TMEM132D: variants seen among roughly 807,000 people sequenced by gnomAD.
TMEM132D encodes the protein mature OL transmembrane protein.
Under a neutral mutation model 62.3 loss-of-function variants are expected in TMEM132D, and 21 were observed. The observed-to-expected ratio is 0.34, with a 90% CI of 0.24 to 0.49. The LOEUF is 0.49. TMEM132D is among the 20% of genes least tolerant of loss of function. TMEM132D has a pLI of 0.99. For synonymous variants in TMEM132D, 621 were observed against 575.6 expected (o/e 1.08, Z -1.13); for missense variants, 1,346 against 1,402.8 (o/e 0.96, Z 0.65).
At position 129,686,244 on chromosome 12, in the gene TMEM132D, G is replaced by A. The variant is rs950236835; in HGVS notation, c.968+13566C>T. ...CACCCAAATCTGATCTTGAATTGTA[G>A]TTCCCATGATCCCCACGTGTTGTGA... On this transcript the variant is annotated intron_variant, in intron 2 of 8. Coordinates refer to ENST00000422113, the MANE Select transcript of TMEM132D (RefSeq NM_133448.3). Among the ~76,000 whole-genome samples, 6 of 152,256 alleles carry A rather than the reference G, an allele frequency of 3.9e-5. 1 individual carries two copies. In the East Asian group the frequency reaches 1.2e-3, roughly 29 times the overall value.
intron 4 of TMEM132D, among the ~76,000 whole-genome samples, chr12:129,281,978 C>A (rs976846213): frequency 6.6e-6 from 1 of 152,158 alleles, no homozygotes; most frequent in African/African-American, 2.4e-5. Context: ...CTCCGTGAAC[C>A]CGCTCCATTG....
At chr12:129,613,531 G>A (rs1252024889) in intron 2 of TMEM132D, among the ~76,000 whole-genome samples, 2 of 152,160 alleles carry the variant, frequency 1.3e-5, no homozygotes, top group South Asian at 2.1e-4. Context: ...TGTTCACATC[G>A]CTGCTTGACA....
Position 129,449,397 on chromosome 12 carries a change from C to T in TMEM132D, c.1115+81662G>A, listed in dbSNP as rs148288614. Among the ~76,000 whole-genome samples the T allele has an allele frequency of 3.7e-3, 566 of 152,270 alleles. 2 individuals are homozygous for T. The highest frequency in any genetic ancestry group is 0.013 in the African/African-American group (543 of 41,534). On this transcript the variant is annotated intron_variant, in intron 3 of 8. Transcript: ENST00000422113. ...ACCAACCAGCTCAGCTTCTAATCAC[C>T]GTGCAGAGTTAGGTAAGGCTGTAGT...
chr12:129,100,434 C>A (rs1189751167), intron 5 of TMEM132D, among the ~76,000 whole-genome samples: 1 of 152,178 alleles, frequency 6.6e-6, no homozygotes, highest in East Asian at 1.9e-4. Context: ...TGGCTCCAGG[C>A]CATGCCTCAT....
intron 4 of TMEM132D, among the ~76,000 whole-genome samples, chr12:129,330,432 T>C (rs1409697267): frequency 6.6e-6 from 1 of 152,132 alleles, no homozygotes; most frequent in Non-Finnish European, 1.5e-5. Context: ...ACTGTGGCAA[T>C]ACTGAGAGGT....
rs938286894 is a variant in TMEM132D at position 129,371,755 on chromosome 12, A to G, written c.1116-33938T>C. ...TTAGAACTGGAAAACATGGAAGTCT[A>G]TACATAGCTTTACGTATCTGCTGAA... On this transcript the variant is annotated intron_variant, in intron 3 of 8. Transcript: ENST00000422113. The surrounding 1 kb of genome is among the most constrained non-coding windows in gnomAD (Gnocchi z 4.3). Among the ~76,000 whole-genome samples the G allele has an allele frequency of 1.3e-5, 2 of 152,162 alleles. No homozygotes were observed. The highest frequency in any genetic ancestry group is 4.8e-5 in the African/African-American group (2 of 41,432).
intron 5 of TMEM132D, among the ~76,000 whole-genome samples, chr12:129,158,441 A>G (rs1008070575): frequency 2.0e-5 from 3 of 152,226 alleles, no homozygotes; most frequent in Non-Finnish European, 4.4e-5. Context: ...TATCTGTGTG[A>G]TACCAAGTTG....
At chr12:129,669,768 C>T (rs1044672847) in intron 2 of TMEM132D, among the ~76,000 whole-genome samples, 1 of 151,964 alleles carries the variant, frequency 6.6e-6, no homozygotes, top group African/African-American at 2.4e-5. Context: ...GATCTGTACT[C>T]CTCATCCTAG....
chr12:129,874,875 T>C, intron 1 of TMEM132D, among the ~76,000 whole-genome samples: 1 of 152,096 alleles, frequency 6.6e-6, no homozygotes. Context: ...TAATTTTGTA[T>C]TTTTAGTAGA....
At chr12:129,165,625 A>G (rs530426696) in intron 5 of TMEM132D, among the ~76,000 whole-genome samples, 65 of 152,172 alleles carry the variant, frequency 4.3e-4, no homozygotes, top group African/African-American at 1.5e-3. Context: ...CTGGAAATTG[A>G]CCAGTATTAA....
At chr12:129,218,711 T>C (rs1471522881) in intron 4 of TMEM132D, among the ~76,000 whole-genome samples, 1 of 152,214 alleles carries the variant, frequency 6.6e-6, no homozygotes, top group African/African-American at 2.4e-5. Flanking sequence ...GTCATTGAGA[T>C]GCAAACTTTT....
intron 5 of TMEM132D, among the ~76,000 whole-genome samples, chr12:129,162,455 A>G (rs539374818): frequency 1.3e-4 from 20 of 152,296 alleles, no homozygotes; most frequent in Non-Finnish European, 2.8e-4. Flanking sequence ...TACAGTGAAC[A>G]TGGAAAGTAA....
At chr12:129,467,682 A>G (rs564515075) in intron 3 of TMEM132D, among the ~76,000 whole-genome samples, 8 of 152,262 alleles carry the variant, frequency 5.3e-5, no homozygotes, top group African/African-American at 1.9e-4. Flanking sequence ...AACCAGAAAG[A>G]ATTTAGGCAT....
At chr12:129,819,230 C>CCA (rs1565997075) in intron 1 of TMEM132D, among the ~76,000 whole-genome samples, 7 of 151,924 alleles carry the variant, frequency 4.6e-5, no homozygotes, top group Non-Finnish European at 5.9e-5. Context: ...TCTACCTACC[C>CCA]CACAGTGCCA....
intron 1 of TMEM132D, among the ~76,000 whole-genome samples, chr12:129,869,397 T>C (rs1360675513): frequency 6.6e-6 from 1 of 152,196 alleles, no homozygotes; most frequent in Non-Finnish European, 1.5e-5. Flanking sequence ...TGATATCAAA[T>C]GAAATAGTAT....
chr12:129,142,186 G>A (rs1165904398), intron 5 of TMEM132D, among the ~76,000 whole-genome samples: 5 of 151,912 alleles, frequency 3.3e-5, no homozygotes, highest in South Asian at 2.1e-4. Context: ...AGAAAATCCC[G>A]TCCAACTGGT....
At chr12:129,191,274 C>T (rs1878393669) in intron 5 of TMEM132D, among the ~76,000 whole-genome samples, 1 of 139,242 alleles carries the variant, frequency 7.2e-6, no homozygotes, top group Non-Finnish European at 1.5e-5. Context: ...GCCGAAAAGA[C>T]ACAGAGAAGG....
intron 2 of TMEM132D, among the ~76,000 whole-genome samples, chr12:129,622,598 C>T (rs1475991923): frequency 1.3e-5 from 2 of 152,200 alleles, no homozygotes; most frequent in Admixed American, 6.5e-5. Context: ...GCAAACAGGG[C>T]TTTCCCTCTG....
Position 129,194,714 on chromosome 12 carries a change from A to G in TMEM132D, c.1443+14806T>C, listed in dbSNP as rs1878500188. Among the ~76,000 whole-genome samples, 7 of 152,286 alleles carry G rather than the reference A, an allele frequency of 4.6e-5. No individual in the cohort carries two copies. The South Asian group carries it at 1.5e-3, about 32-fold the overall frequency. On this transcript the variant is annotated intron_variant, in intron 5 of 8. Transcript: ENST00000422113. The stretch of plus-strand genomic sequence containing the variant: ...GAGTCTCATCCAACAACCAGGGTAT[A>G]TTTTCACTTTTTTATGTGAAGGTTC...
Sources: allele counts gnomAD v4.1 joint callset (sites outside exome capture counted in the v4.1 genomes callset), GRCh38; gene constraint gnomAD v4.1.1; non-coding constraint Gnocchi (gnomAD v3.1); transcripts MANE v1.5; gene names NCBI Gene and HGNC (gene_info 2026-07-23, HGNC 2026-07-21).